Variants in FBXL20 observed in about 807,000 individuals in gnomAD.
FBXL20 encodes the protein F-box and leucine rich repeat protein 20.
A neutral mutation model predicts 64.0 loss-of-function variants in FBXL20; 11 were observed. The ratio of observed to expected loss-of-function variants is 0.17; its 90% CI spans 0.11 to 0.28. FBXL20 has a LOEUF of 0.28. Among genes scored for constraint, FBXL20 ranks in the 10% least tolerant of loss-of-function variants. The pLI is 1.00. For missense variants in FBXL20, 303 were observed against 526.2 expected, an observed-to-expected ratio of 0.58 and a Z score of 4.15; for synonymous variants, 184 against 189.0, an observed-to-expected ratio of 0.97 and a Z score of 0.22.
rs1420453212 is a variant in FBXL20, at chr17:39,281,678, C to T, written c.622-215G>A. On this transcript the variant is annotated intron_variant, in intron 8 of 14. Coordinates refer to ENST00000264658, the MANE Select transcript of FBXL20 (RefSeq NM_032875.3). Reference sequence around the variant, plus strand: ...TCAGCTTTGACCACATTCAAATTCACATAATCATCAAATCAAGAACAAAGA... The same window carrying T: ...TCAGCTTTGACCACATTCAAATTCATATAATCATCAAATCAAGAACAAAGA... Among the ~76,000 whole-genome samples, 5 of 152,134 alleles carry T rather than the reference C, an allele frequency of 3.3e-5. No homozygotes were observed. In the East Asian group the frequency reaches 9.6e-4, roughly 29 times the overall value.
rs193111360 is a variant in FBXL20, at chr17:39,341,609, A to G, written c.104+1571T>C. Among the ~76,000 whole-genome samples, 43 of 152,140 alleles carry G rather than the reference A, an allele frequency of 2.8e-4. 1 individual carries two copies. The East Asian group carries it at 4.6e-3, about 16-fold the overall frequency. On this transcript the variant is annotated intron_variant, in intron 2 of 14. Transcript: ENST00000264658. ...CAGGACTGTTTACATATGTTCATAT[A>G]CTCCTTCTCCCATATACTTCCTCAC...
intron 2 of FBXL20, among the ~76,000 whole-genome samples, chr17:39,323,103 G>A (rs1019636827): frequency 6.6e-6 from 1 of 151,960 alleles, no homozygotes; most frequent in African/African-American, 2.4e-5. Context: ...CCGAGTAGCT[G>A]AGACTACATG....
intron 13 of FBXL20, 50 bp downstream of exon 13, chr17:39,265,347 G>C: frequency 7.0e-7 from 1 of 1,432,594 alleles, no homozygotes; most frequent in Non-Finnish European, 9.8e-7. Flanking sequence ...TGTAGCACTG[G>C]CTTTTGATTA....
rs930365008 is a variant in FBXL20, at chr17:39,391,042, CA to C, written c.42+10318del. On this transcript the variant is annotated intron_variant, in intron 1 of 14. Transcript: ENST00000264658. ...TGTGCGACAGAGCAAGGCTCTATCTCAAAAAAAAAGATCATTAGTTGTATTC... is the reference window on the plus strand; with the variant it reads ...TGTGCGACAGAGCAAGGCTCTATCTCAAAAAAAAGATCATTAGTTGTATTC... 2.7e-5 allele frequency among the ~76,000 whole-genome samples: 4 copies of C among 150,278 alleles called. No individual in the cohort carries two copies. In the South Asian group the frequency reaches 6.3e-4, roughly 24 times the overall value.
intron 12 of FBXL20, 29 bp downstream of exon 12, chr17:39,268,798 T>C: frequency 6.3e-7 from 1 of 1,593,316 alleles, no homozygotes; most frequent in South Asian, 1.1e-5. Context: ...TACTATACTG[T>C]ATTTCTGAAT....
At chr17:39,401,985 T>C (rs572536192), upstream of FBXL20, 1 of 484,786 alleles carries the variant, frequency 2.1e-6, no homozygotes, top group Admixed American at 4.4e-5. Context: ...AGTACCGCAC[T>C]CTGCGCGGGG....
intron 1 of FBXL20, among the ~76,000 whole-genome samples, chr17:39,383,427 C>G (rs2048046003): frequency 6.6e-6 from 1 of 151,872 alleles, no homozygotes; most frequent in Non-Finnish European, 1.5e-5. Context: ...GGAGATTAGC[C>G]TGGGTAACAG....
chr17:39,401,986 C>G (rs2048252859), upstream of FBXL20: 1 of 494,788 alleles, frequency 2.0e-6, no homozygotes, highest in African/African-American at 2.0e-5. Flanking sequence ...GTACCGCACT[C>G]TGCGCGGGGG....
At chr17:39,265,628 C>T (rs1326852269) in intron 12 of FBXL20, among the ~76,000 whole-genome samples, 175 bp from the exon 13 acceptor site, 2 of 151,884 alleles carry the variant, frequency 1.3e-5, no homozygotes, top group Non-Finnish European at 2.9e-5. Context: ...CACCTCAGCC[C>T]CCTGAGTAGC....
intron 1 of FBXL20, among the ~76,000 whole-genome samples, chr17:39,382,768 A>G (rs1351982363): frequency 6.6e-6 from 1 of 151,906 alleles, no homozygotes; most frequent in Non-Finnish European, 1.5e-5. Context: ...AGAGCTCAGG[A>G]GTTGCAGGCT....
intron 1 of FBXL20, among the ~76,000 whole-genome samples, chr17:39,389,292 C>T (rs1320770430): frequency 6.6e-6 from 1 of 152,038 alleles, no homozygotes; most frequent in African/African-American, 2.4e-5. Flanking sequence ...CCTAGGAGAA[C>T]GCCAAGATAC....
Position 39,285,534 on chromosome 17 carries a change from C to T in FBXL20, c.438G>A (p.Arg146=). 1.9e-6 allele frequency: 3 copies of T among 1,604,598 alleles called. No individual in the cohort carries two copies. The highest frequency in any genetic ancestry group is 2.2e-5 in the East Asian group (1 of 44,576). Residue 146 remains arginine, a synonymous_variant, in exon 7 of 15, where the codon AGG becomes AGA. Coordinates refer to ENST00000264658, the MANE Select transcript of FBXL20 (RefSeq NM_032875.3). ...ATGTACAGGAAGCCAAGTCAAGGTG[C>T]CTGAGTTTGGAACAGAACTTGCTAA... The part of the protein sequence containing the change: ...TSLSKFCSKL[R]HLDLASCTSI...
At chr17:39,364,514 C>T (rs1177966252) in intron 1 of FBXL20, among the ~76,000 whole-genome samples, 2 of 151,994 alleles carry the variant, frequency 1.3e-5, no homozygotes, top group Non-Finnish European at 2.9e-5. Flanking sequence ...GAGGCTGAGG[C>T]GGGAGGATTG....
At chr17:39,342,711 C>T (rs138664899) in intron 2 of FBXL20, among the ~76,000 whole-genome samples, 252 of 148,764 alleles carry the variant, frequency 1.7e-3, no homozygotes, top group African/African-American at 6.1e-3. Context: ...AGAGAGACCC[C>T]GTCTCAAAAA....
intron 2 of FBXL20, among the ~76,000 whole-genome samples, chr17:39,310,858 G>A (rs907009405): frequency 1.3e-5 from 2 of 152,038 alleles, no homozygotes; most frequent in Admixed American, 6.6e-5. Context: ...GGTGGCACAC[G>A]CCTGTAATCT....
chr17:39,315,829 C>CAGAGAGAG (rs141728220), intron 2 of FBXL20, among the ~76,000 whole-genome samples: 5,659 of 129,520 alleles, frequency 0.044, 312 homozygotes, highest in East Asian at 0.067. Flanking sequence ...GAGAGAGAGA[C>CAGAGAGAG]AGAGAGAGAG....
intron 1 of FBXL20, among the ~76,000 whole-genome samples, chr17:39,376,228 G>A (rs2047965892): frequency 6.6e-6 from 1 of 152,130 alleles, no homozygotes; most frequent in South Asian, 2.1e-4. Context: ...AACCTGTCTG[G>A]TGCTCCCTGG....
chr17:39,364,692 C>T (rs2047841608), intron 1 of FBXL20, among the ~76,000 whole-genome samples: 1 of 152,204 alleles, frequency 6.6e-6, no homozygotes, highest in Non-Finnish European at 1.5e-5. Context: ...TAAAGCTTTA[C>T]CCTCTTGACA....
intron 2 of FBXL20, among the ~76,000 whole-genome samples, chr17:39,323,464 GA>G (rs2047377336): frequency 6.6e-6 from 1 of 152,144 alleles, no homozygotes; most frequent in South Asian, 2.1e-4. Flanking sequence ...TGTGTGACCT[GA>G]AAATATAGGT....
Sources: gnomAD v4.1 joint callset for allele counts (sites outside exome capture counted in the v4.1 genomes callset) on GRCh38, gnomAD v4.1.1 for gene constraint, MANE v1.5 for transcripts, NCBI Gene and HGNC (gene_info 2026-07-23, HGNC 2026-07-21) for gene names.